ITSN1: variants seen among roughly 807,000 people sequenced by gnomAD.
The protein encoded by ITSN1 is intersectin-1.
A neutral mutation model predicts 239.8 loss-of-function variants in ITSN1; 58 were observed. The ratio of observed to expected loss-of-function variants is 0.24; its 90% CI spans 0.20 to 0.30. ITSN1 has a LOEUF of 0.30. Ranked by LOEUF, ITSN1 falls within the 10% of genes least tolerant of loss-of-function variation. The probability of loss-of-function intolerance (pLI) is 1.00; values close to 1 mark genes in which losing one functional copy is unlikely to be tolerated. For synonymous variants in ITSN1, 780 were observed against 770.8 expected (o/e 1.01, Z -0.20); for missense variants, 1,558 against 2,103.3 (o/e 0.74, Z 5.07).
At chr21:33,688,384 T>C (rs1402402630) in intron 1 of ITSN1, among the ~76,000 whole-genome samples, 1 of 152,222 alleles carries the variant, frequency 6.6e-6, no homozygotes, top group East Asian at 1.9e-4. Flanking sequence ...AAAACACTCC[T>C]TGTTTAGTTC....
rs1223240372 is a variant in ITSN1 at position 33,899,046 on chromosome 21, T to G, written c.*10746T>G. 6.6e-6 allele frequency: 1 copy of G among 152,244 alleles called. No individual in the cohort carries two copies. Among genetic ancestry groups the G allele is most frequent in the African/African-American group, 2.4e-5 (1 of 41,464 alleles). The allele number at this position is 152,244 out of a possible 1,614,324, so 9.4% of individuals were successfully genotyped here. On this transcript the variant is annotated 3_prime_UTR_variant, in exon 40 of 40. Transcript: ENST00000381318. ...TGCCAGCAGAGGAGATGAGCTCTGGTCTACCAACCCCAAACAGGCCCTGAC... is the reference window on the plus strand; with the variant it reads ...TGCCAGCAGAGGAGATGAGCTCTGGGCTACCAACCCCAAACAGGCCCTGAC...
chr21:33,684,507 G>A (rs549744997), intron 1 of ITSN1, among the ~76,000 whole-genome samples: 1 of 152,276 alleles, frequency 6.6e-6, no homozygotes, highest in East Asian at 1.9e-4. Flanking sequence ...TGTAGGAACT[G>A]ATATAAGAGA....
intron 33 of ITSN1, 34 bp downstream of exon 33, chr21:33,867,365 C>T (rs200823066): frequency 6.6e-5 from 79 of 1,205,542 alleles, no homozygotes; most frequent in South Asian, 2.9e-4. Flanking sequence ...AAGCAGGGGA[C>T]GGCTTTCTCT....
intron 27 of ITSN1, among the ~76,000 whole-genome samples, chr21:33,832,376 T>TA (rs1184492272): frequency 2.6e-5 from 4 of 152,224 alleles, no homozygotes; most frequent in African/African-American, 9.6e-5. Context: ...GCACATTTCT[T>TA]ACTTCCACAT....
At chr21:33,810,285 A>G (rs963396107) in intron 20 of ITSN1, among the ~76,000 whole-genome samples, 3 of 152,256 alleles carry the variant, frequency 2.0e-5, no homozygotes, top group Admixed American at 2.0e-4. Flanking sequence ...AAATTTTTAA[A>G]CAGTATAATC....
intron 4 of ITSN1, among the ~76,000 whole-genome samples, chr21:33,733,726 A>G (rs2066329123): frequency 6.6e-6 from 1 of 152,194 alleles, no homozygotes; most frequent in Non-Finnish European, 1.5e-5. Flanking sequence ...GCTCAGGTTC[A>G]CAAGTAGTGA....
In ITSN1 at chr21:33,744,173, C is replaced by T. The variant is rs796865363; in HGVS notation, c.347-5970C>T. On this transcript the variant is annotated intron_variant, in intron 5 of 39. Coordinates refer to ENST00000381318, the MANE Select transcript of ITSN1 (RefSeq NM_003024.3). ...ACTTTAAGGGGAGCAGGACTGCATG[C>T]AAAAAAATAATTTAATGCATTCAGA... Among the ~76,000 whole-genome samples, 22 of 151,964 alleles carry T rather than the reference C, an allele frequency of 1.4e-4. 1 individual carries two copies. The highest frequency in any genetic ancestry group is 4.8e-4 in the African/African-American group (20 of 41,446).
intron 39 of ITSN1, 100 bp downstream of exon 39, chr21:33,886,560 G>T (rs747389467): frequency 7.3e-6 from 8 of 1,098,510 alleles, no homozygotes; most frequent in Non-Finnish European, 1.0e-5. Flanking sequence ...GGATTCCTTC[G>T]GTTTCCCTCC....
At chr21:33,648,371 A>G (rs1289123417) in intron 1 of ITSN1, among the ~76,000 whole-genome samples, 2 of 152,228 alleles carry the variant, frequency 1.3e-5, no homozygotes, top group African/African-American at 2.4e-5. Flanking sequence ...TTTTTACTGT[A>G]GAGTCCAAAA....
chr21:33,848,399 T>G (rs556570771), intron 29 of ITSN1, among the ~76,000 whole-genome samples: 10 of 152,280 alleles, frequency 6.6e-5, no homozygotes, highest in Admixed American at 4.6e-4. Flanking sequence ...TCTTGGACTT[T>G]GTATCTTTAG....
At chr21:33,717,201 A>G (rs1437092217) in intron 1 of ITSN1, among the ~76,000 whole-genome samples, 1 of 143,062 alleles carries the variant, frequency 7.0e-6, no homozygotes, top group Non-Finnish European at 1.5e-5. Context: ...TTTTTTTTTT[A>G]ATTTTTGTTT....
chr21:33,690,813 A>ACG (rs1226156721), intron 1 of ITSN1, among the ~76,000 whole-genome samples: 1 of 18,586 alleles, frequency 5.4e-5, no homozygotes, highest in Non-Finnish European at 1.1e-4. Flanking sequence ...ATATATATAT[A>ACG]TGTATATATA....
intron 17 of ITSN1, among the ~76,000 whole-genome samples, chr21:33,795,416 T>C (rs2071465150): frequency 6.6e-6 from 1 of 152,178 alleles, no homozygotes; most frequent in Non-Finnish European, 1.5e-5. Context: ...GCCACTGCAC[T>C]CCAGCCTGGC....
chr21:33,849,038 T>G (rs906806218), intron 29 of ITSN1, among the ~76,000 whole-genome samples: 7 of 151,172 alleles, frequency 4.6e-5, no homozygotes, highest in Admixed American at 2.0e-4. Context: ...GTCAGGAGTT[T>G]GAGACCAGCC....
chr21:33,790,756 A>G (rs576982070), intron 16 of ITSN1, among the ~76,000 whole-genome samples: 1 of 152,330 alleles, frequency 6.6e-6, no homozygotes, highest in African/African-American at 2.4e-5. Flanking sequence ...CTACCAGGAA[A>G]TGTTGATACT....
At chr21:33,718,756 T>C in intron 1 of ITSN1, 41 bp from the exon 2 acceptor site, 1 of 1,303,664 alleles carries the variant, frequency 7.7e-7, no homozygotes, top group Non-Finnish European at 1.1e-6. Flanking sequence ...TATACAGGAA[T>C]TAAGTTTTCA....
chr21:33,852,041 G>T (rs1329454153), intron 29 of ITSN1, among the ~76,000 whole-genome samples: 6 of 152,178 alleles, frequency 3.9e-5, no homozygotes, highest in Middle Eastern at 6.8e-3. Flanking sequence ...ACCCACCTCT[G>T]CCTTCCAAAG....
chr21:33,753,030 T>A (rs2067662534), intron 7 of ITSN1, among the ~76,000 whole-genome samples: 1 of 152,128 alleles, frequency 6.6e-6, no homozygotes, highest in Non-Finnish European at 1.5e-5. Context: ...ATTAACTCAT[T>A]CTTCCCCATG....
chr21:33,843,807 T>C (rs909746298), intron 29 of ITSN1, among the ~76,000 whole-genome samples: 3 of 152,222 alleles, frequency 2.0e-5, no homozygotes, highest in Non-Finnish European at 4.4e-5. Context: ...GGGCAAGTTA[T>C]GTAACCTCTT....
Sources: gnomAD v4.1 joint callset for allele counts (sites outside exome capture counted in the v4.1 genomes callset) on GRCh38, gnomAD v4.1.1 for gene constraint, MANE v1.5 for transcripts, NCBI Gene and HGNC (gene_info 2026-07-23, HGNC 2026-07-21) for gene names.